CTPS2: variants seen among roughly 807,000 people sequenced by gnomAD.
CTPS2 encodes the protein CTP synthase 2.
CTPS2 carries 19 observed loss-of-function variants against 46.8 expected under a neutral mutation model. The observed-to-expected ratio is 0.41, with a 90% CI of 0.28 to 0.60. The LOEUF is 0.60. Ranked by LOEUF, CTPS2 falls within the 20% of genes least tolerant of loss-of-function variation. The pLI is 0.35. For synonymous variants in CTPS2, 151 were observed against 165.2 expected (o/e 0.91, Z 0.66); for missense variants, 286 against 447.6 (o/e 0.64, Z 3.26).
chrX:16,651,159 G>A (rs762268404), intron 13 of CTPS2: 1 of 854,547 alleles, frequency 1.2e-6, no homozygotes, highest in Non-Finnish European at 1.6e-6. Context: ...GCCATCCGCA[G>A]AGCCCACTTA....
intron 18 of CTPS2, among the ~76,000 whole-genome samples, chrX:16,590,221 GTTTTA>G (rs63711961): frequency 0.2 from 22,220 of 111,139 alleles, 1,825 homozygotes; most frequent in Middle Eastern, 0.27. Context: ...TTTATTTTAT[GTTTTA>G]TTTTATTTTA....
intron 13 of CTPS2, among the ~76,000 whole-genome samples, chrX:16,641,494 T>C (rs916708435): frequency 1.8e-5 from 2 of 112,697 alleles, no homozygotes; most frequent in African/African-American, 6.4e-5. Context: ...ACGCCTGCAA[T>C]CCCAACCCTT....
rs994341780 is a variant in CTPS2, at chrX:16,589,419, A to C, written c.*398T>G. Reference sequence around the variant, plus strand: ...AACACAGTGACTCATTTTCTTACTCAAAATTACTTACAGCATGTTCCCTGC... The same window carrying C: ...AACACAGTGACTCATTTTCTTACTCCAAATTACTTACAGCATGTTCCCTGC... On this transcript the variant is annotated 3_prime_UTR_variant, in exon 19 of 19. Coordinates refer to ENST00000359276, the MANE Select transcript of CTPS2 (RefSeq NM_175859.3). 8.9e-6 allele frequency: 1 copy of C among 112,361 alleles called. No individual in the cohort carries two copies. Among genetic ancestry groups the C allele is most frequent in the African/African-American group, 3.2e-5 (1 of 30,943 alleles). 9.3% of individuals were successfully genotyped at this position (112,361 alleles called of 1,213,427 possible). A position where few individuals can be genotyped will look rare whatever the true frequency, so the allele number is the denominator to read the frequency against.
chrX:16,605,159 G>A (rs1029376754), intron 17 of CTPS2, among the ~76,000 whole-genome samples: 2 of 111,419 alleles, frequency 1.8e-5, no homozygotes, highest in African/African-American at 6.5e-5. Context: ...TTTCCCTCTG[G>A]CATCTGGAAT....
intron 8 of CTPS2, among the ~76,000 whole-genome samples, chrX:16,689,154 A>C (rs745482510): frequency 2.7e-5 from 3 of 112,423 alleles, no homozygotes; most frequent in Admixed American, 9.5e-5. Flanking sequence ...CTAAAAAATG[A>C]ACTAGCAAAT....
At chrX:16,646,967 C>G (rs1284439609) in intron 13 of CTPS2, among the ~76,000 whole-genome samples, 1 of 111,990 alleles carries the variant, frequency 8.9e-6, no homozygotes, top group Non-Finnish European at 1.9e-5. Flanking sequence ...TCTCTGGTTT[C>G]AAAACGCACT....
At chrX:16,677,856 C>T (rs770000227) in intron 10 of CTPS2, among the ~76,000 whole-genome samples, 2 of 111,616 alleles carry the variant, frequency 1.8e-5, no homozygotes, top group Non-Finnish European at 3.8e-5. Context: ...GGGGGAGGCA[C>T]GTATAATTCA....
At chrX:16,712,049 G>A (rs1468110308) in intron 1 of CTPS2, 1 of 111,043 alleles carries the variant, frequency 9.0e-6, no homozygotes, top group Non-Finnish European at 1.9e-5. Flanking sequence ...GCGGGAAGAA[G>A]CGCGTCCCGG....
At chrX:16,608,316 G>A (rs1307414718) in intron 17 of CTPS2, among the ~76,000 whole-genome samples, 3 of 111,583 alleles carry the variant, frequency 2.7e-5, no homozygotes, top group Admixed American at 9.6e-5. Flanking sequence ...GCTGGGCACA[G>A]TGGCTCATAC....
chrX:16,658,098 C>T (rs1932862245), intron 13 of CTPS2, among the ~76,000 whole-genome samples: 1 of 108,818 alleles, frequency 9.2e-6, no homozygotes, highest in South Asian at 4.1e-4. Context: ...CCCAGTTACT[C>T]GGGAGGCTGA....
At chrX:16,612,385 C>T (rs1409456456) in intron 16 of CTPS2, among the ~76,000 whole-genome samples, 1 of 112,051 alleles carries the variant, frequency 8.9e-6, no homozygotes, top group Non-Finnish European at 1.9e-5. Flanking sequence ...GGTTTTATAG[C>T]AGCTCTCATT....
At chrX:16,707,433 G>A (rs745682486) in intron 1 of CTPS2, among the ~76,000 whole-genome samples, 1 of 112,220 alleles carries the variant, frequency 8.9e-6, no homozygotes, top group East Asian at 2.8e-4. Flanking sequence ...CACTTTGGAA[G>A]GCTGAGGTGG....
chrX:16,638,203 C>G (rs1454668100), intron 14 of CTPS2, among the ~76,000 whole-genome samples: 1 of 105,341 alleles, frequency 9.5e-6, no homozygotes, highest in Non-Finnish European at 1.9e-5. Flanking sequence ...TGCAGTGAGC[C>G]GAAATCGTGC....
At chrX:16,707,975 C>T (rs914200556) in intron 1 of CTPS2, among the ~76,000 whole-genome samples, 1 of 109,114 alleles carries the variant, frequency 9.2e-6, no homozygotes, top group Non-Finnish European at 1.9e-5. Flanking sequence ...GGGTGAGACT[C>T]GGTACCAAAA....
At chrX:16,705,064 C>A (rs1324974038) in intron 1 of CTPS2, among the ~76,000 whole-genome samples, 1 of 109,841 alleles carries the variant, frequency 9.1e-6, no homozygotes, top group African/African-American at 3.3e-5. Context: ...GTCAGGGAGG[C>A]TGGGCATAGC....
At position 16,708,543 on chromosome X, in the gene CTPS2, A is replaced by T. The variant is rs1232461146; in HGVS notation, c.-40+3792T>A. The stretch of plus-strand genomic sequence containing the variant: ...TCTGAAATAAATAAATAAATAAATT[A>T]TATATATACATATATTACATATATA... On this transcript the variant is annotated intron_variant, in intron 1 of 18. Coordinates refer to ENST00000359276, the MANE Select transcript of CTPS2 (RefSeq NM_175859.3). Among the ~76,000 whole-genome samples the T allele has an allele frequency of 2.7e-5, 3 of 110,451 alleles. No homozygotes were observed. In the Admixed American group the frequency reaches 3.0e-4, roughly 11 times the overall value.
rs1017786585 is a variant in CTPS2, at chrX:16,646,627, T to C, written c.1297-7384A>G. 1.2e-4 allele frequency among the ~76,000 whole-genome samples: 14 copies of C among 112,470 alleles called. No individual in the cohort carries two copies. The Admixed American group carries it at 1.3e-3, about 11-fold the overall frequency. The stretch of plus-strand genomic sequence containing the variant: ...GCTATACTTTCTGGGAAAGCAGCAT[T>C]TGAGTATTCAAGGTCTCTTTTAAAC... On this transcript the variant is annotated intron_variant, in intron 13 of 18. Transcript: ENST00000359276.
intron 16 of CTPS2, among the ~76,000 whole-genome samples, chrX:16,615,796 T>A (rs1377944010): frequency 8.9e-6 from 1 of 112,000 alleles, no homozygotes; most frequent in East Asian, 2.8e-4. Context: ...GACTAAAGTG[T>A]CACATAAAAC....
intron 17 of CTPS2, among the ~76,000 whole-genome samples, chrX:16,595,365 G>T (rs1159191177): frequency 1.8e-5 from 2 of 111,368 alleles, no homozygotes; most frequent in Non-Finnish European, 3.8e-5. Flanking sequence ...AGGCTGGAGT[G>T]CAGTGATTTG....
Sources: gnomAD v4.1 joint callset for allele counts (sites outside exome capture counted in the v4.1 genomes callset) on GRCh38, gnomAD v4.1.1 for gene constraint, MANE v1.5 for transcripts, NCBI Gene and HGNC (gene_info 2026-07-23, HGNC 2026-07-21) for gene names.